Variants in ZNF385D observed in about 807,000 individuals in gnomAD.
ZNF385D encodes the protein zinc finger protein 659.
In ZNF385D, 15 loss-of-function variants were observed where a neutral mutation model predicts 35.8. That is an observed-to-expected ratio of 0.42 (90% CI 0.28 to 0.64). The LOEUF is 0.64. ZNF385D is among the 30% of genes least tolerant of loss of function. The pLI is 0.23. For missense variants in ZNF385D, 474 were observed against 494.6 expected, an observed-to-expected ratio of 0.96 and a Z score of 0.39; for synonymous variants, 212 against 186.8, an observed-to-expected ratio of 1.13 and a Z score of -1.10.
At chr3:22,032,188 G>A (rs1698041705) in intron 3 of ZNF385D, among the ~76,000 whole-genome samples, 1 of 152,112 alleles carries the variant, frequency 6.6e-6, no homozygotes, top group Non-Finnish European at 1.5e-5. Context: ...ACATCTTCCT[G>A]TCTTCTTCTG....
intron 2 of ZNF385D, among the ~76,000 whole-genome samples, chr3:22,367,429 A>C (rs1208583479): frequency 6.6e-6 from 1 of 152,202 alleles, no homozygotes; most frequent in African/African-American, 2.4e-5. Context: ...CTGTGAATAG[A>C]ATATACTATG....
intron 3 of ZNF385D, among the ~76,000 whole-genome samples, chr3:22,081,777 C>T (rs1299656480): frequency 2.6e-5 from 4 of 152,084 alleles, no homozygotes; most frequent in African/African-American, 9.7e-5. Flanking sequence ...AATATTGATT[C>T]TCTGGTCATT....
intron 3 of ZNF385D, among the ~76,000 whole-genome samples, chr3:22,028,166 G>A: frequency 6.6e-6 from 1 of 152,202 alleles, no homozygotes; most frequent in East Asian, 1.9e-4. Context: ...GAGGTATGTG[G>A]ATGGTCACCT....
chr3:21,464,193 G>T (rs912298648), intron 4 of ZNF385D, among the ~76,000 whole-genome samples: 1 of 152,200 alleles, frequency 6.6e-6, no homozygotes, highest in East Asian at 1.9e-4. Context: ...GAAAGTAATT[G>T]CAGATTTCAT....
chr3:22,157,815 TC>T (rs1705691048), intron 3 of ZNF385D, among the ~76,000 whole-genome samples: 1 of 152,132 alleles, frequency 6.6e-6, no homozygotes, highest in Non-Finnish European at 1.5e-5. Context: ...CTTGTTCATA[TC>T]TTTGATTTCA....
intron 2 of ZNF385D, among the ~76,000 whole-genome samples, chr3:22,323,999 A>C (rs1224996311): frequency 6.6e-6 from 1 of 152,184 alleles, no homozygotes; most frequent in Non-Finnish European, 1.5e-5. Flanking sequence ...TATTAGGATA[A>C]CCTAATTAAG....
At chr3:21,786,980 G>A (rs539346904) in intron 3 of ZNF385D, among the ~76,000 whole-genome samples, 2 of 152,220 alleles carry the variant, frequency 1.3e-5, no homozygotes, top group East Asian at 3.9e-4. Context: ...AATTGAACAC[G>A]TGTTTATCTT....
chr3:22,199,143 CATA>C lies in ZNF385D; in HGVS notation c.107-30111_107-30109del, dbSNP rs144489113. Among the ~76,000 whole-genome samples, 1,327 of 152,028 alleles carry C rather than the reference CATA, an allele frequency of 8.7e-3. 26 individuals are homozygous for C. The highest frequency in any genetic ancestry group is 0.03 in the African/African-American group (1,238 of 41,474). ...GCAAAAAAACCAAACACACAAAAAA[CATA>C]ATCTCATCTCCACATTGTTTTTGCC... On this transcript the variant is annotated intron_variant, in intron 2 of 5. Coordinates refer to the ZNF385D transcript ENST00000494108.
At position 21,805,976 on chromosome 3, in the gene ZNF385D, T is replaced by C. The variant is rs567559048; in HGVS notation, c.326-140948A>G. Among the ~76,000 whole-genome samples, 9 of 152,328 alleles carry C rather than the reference T, an allele frequency of 5.9e-5. No individual in the cohort carries two copies. In the East Asian group the frequency reaches 1.7e-3, roughly 29 times the overall value. On this transcript the variant is annotated intron_variant, in intron 3 of 5. Coordinates refer to the ZNF385D transcript ENST00000494108. Reference sequence around the variant, plus strand: ...GAGGTCACTTTCAGAGTGCTTTGGATACTGTAAAAATACAATGTCTATAAA... The same window carrying C: ...GAGGTCACTTTCAGAGTGCTTTGGACACTGTAAAAATACAATGTCTATAAA...
intron 2 of ZNF385D, among the ~76,000 whole-genome samples, chr3:22,321,264 G>T (rs1250998475): frequency 7.5e-6 from 1 of 134,010 alleles, no homozygotes; most frequent in Non-Finnish European, 1.6e-5. Flanking sequence ...AGTGTATTCT[G>T]TGTAAAACAT....
rs576073592 is a variant in ZNF385D, at chr3:22,124,262, T to C, written c.325+44555A>G. Among the ~76,000 whole-genome samples, 273 of 152,218 alleles carry C rather than the reference T, an allele frequency of 1.8e-3. 1 individual carries two copies. Among genetic ancestry groups the C allele is most frequent in the Non-Finnish European group, 1.9e-3 (127 of 68,012 alleles). On this transcript the variant is annotated intron_variant, in intron 3 of 5. Transcript: ENST00000494108. ...TGCTGTTGCAAATGACATGATCTCA[T>C]TCTTTGTAATGGCTGAATAGTACTT...
intron 3 of ZNF385D, among the ~76,000 whole-genome samples, chr3:22,093,315 T>C (rs1438508047): frequency 1.3e-5 from 2 of 151,884 alleles, no homozygotes; most frequent in African/African-American, 4.8e-5. Flanking sequence ...CGCATTGACC[T>C]AGACATTTAA....
chr3:21,975,440 T>G (rs1295575635), intron 3 of ZNF385D, among the ~76,000 whole-genome samples: 1 of 151,918 alleles, frequency 6.6e-6, no homozygotes, highest in Non-Finnish European at 1.5e-5. Flanking sequence ...ATTAATGGGT[T>G]CAAATATATG....
intron 3 of ZNF385D, among the ~76,000 whole-genome samples, chr3:22,043,302 G>T (rs1176377071): frequency 6.6e-6 from 1 of 152,136 alleles, no homozygotes; most frequent in Non-Finnish European, 1.5e-5. Context: ...TCAAAGATTA[G>T]AGAGTGAATT....
intron 2 of ZNF385D, among the ~76,000 whole-genome samples, chr3:21,576,380 A>G (rs1290977355): frequency 6.6e-6 from 1 of 152,148 alleles, no homozygotes; most frequent in Non-Finnish European, 1.5e-5. Context: ...TGTTTCCCTA[A>G]TGTTCTATGG....
intron 2 of ZNF385D, among the ~76,000 whole-genome samples, chr3:22,324,968 T>C (rs1694609573): frequency 6.6e-6 from 1 of 152,220 alleles, no homozygotes; most frequent in South Asian, 2.1e-4. Context: ...TTAACCTCTC[T>C]GTGTATCTGT....
intron 3 of ZNF385D, among the ~76,000 whole-genome samples, chr3:22,146,713 C>A (rs1704882359): frequency 6.6e-6 from 1 of 152,094 alleles, no homozygotes; most frequent in Non-Finnish European, 1.5e-5. Context: ...TTGATTCTGA[C>A]ATTTTAGTTT....
At chr3:21,970,731 G>T (rs1434763462) in intron 3 of ZNF385D, among the ~76,000 whole-genome samples, 3 of 151,928 alleles carry the variant, frequency 2.0e-5, no homozygotes, top group Non-Finnish European at 2.9e-5. Flanking sequence ...ACACCAAGAA[G>T]ATTTAACCCA....
At chr3:21,931,368 C>T (rs1219928784) in intron 3 of ZNF385D, among the ~76,000 whole-genome samples, 1 of 152,112 alleles carries the variant, frequency 6.6e-6, no homozygotes, top group Non-Finnish European at 1.5e-5. Context: ...GTATGATCAC[C>T]TCAGAAAATA....
Sources: allele counts gnomAD v4.1 joint callset (sites outside exome capture counted in the v4.1 genomes callset), GRCh38; gene constraint gnomAD v4.1.1; transcripts MANE v1.5; gene names NCBI Gene and HGNC (gene_info 2026-07-23, HGNC 2026-07-21).